Variants in LTBR observed in about 807,000 individuals in gnomAD.
LTBR encodes the protein tumor necrosis factor receptor superfamily member 3.
A neutral mutation model predicts 45.4 loss-of-function variants in LTBR; 15 were observed. That is an observed-to-expected ratio of 0.33 (90% CI 0.22 to 0.51). The LOEUF (loss-of-function observed/expected upper bound fraction) is 0.51, where lower values mean the gene tolerates loss of function less well. Ranked by LOEUF, LTBR falls within the 20% of genes least tolerant of loss-of-function variation. LTBR has a pLI of 0.97. For synonymous variants in LTBR, 228 were observed against 231.0 expected, an observed-to-expected ratio of 0.99 and a Z score of 0.12; for missense variants, 450 against 565.5, an observed-to-expected ratio of 0.80 and a Z score of 2.07.
chr12:6,390,081 C>G, intron 8 of LTBR, 31 bp from the exon 9 acceptor site: 2 of 1,478,240 alleles, frequency 1.4e-6, no homozygotes, highest in African/African-American at 1.4e-5. Context: ...GGGCCCTCAT[C>G]ATTGTTTGGG....
In LTBR at chr12:6,375,657, G is replaced by A. The variant is rs933629736; in HGVS notation, c.39+63G>A. 1.9e-4 allele frequency: 283 copies of A among 1,473,168 alleles called. 2 individuals carry two copies. In the Middle Eastern group the frequency reaches 1.9e-3, roughly 10 times the overall value. The allele number at this position is 1,473,168 out of a possible 1,614,324, so 91.3% of individuals were successfully genotyped here. A position where few individuals can be genotyped will look rare whatever the true frequency, so the allele number is the denominator to read the frequency against. The stretch of plus-strand genomic sequence containing the variant: ...AGCCGGGAGTTTTCCGAAGGAAGGA[G>A]GGCTCCCGAGGGCAGGTGAACTGGG... On this transcript the variant is annotated intron_variant, in intron 1 of 9. Coordinates refer to the LTBR transcript ENST00000539925.
chr12:6,388,706 T>G lies in LTBR; in HGVS notation c.776-94T>G, dbSNP rs1592101450. 6.6e-7 allele frequency: 1 copy of G among 1,511,052 alleles called. No homozygotes were observed. The highest frequency in any genetic ancestry group is 9.2e-7 in the Non-Finnish European group (1 of 1,090,444). The allele number at this position is 1,511,052 out of a possible 1,614,324, so 93.6% of individuals were successfully genotyped here. On this transcript the variant is annotated intron_variant, in intron 7 of 9. Coordinates refer to ENST00000228918, the MANE Select transcript of LTBR (RefSeq NM_002342.3). This position sits in a 1 kb window ranked among gnomAD's most constrained non-coding sequence, Gnocchi z 4.3. Reference sequence around the variant, plus strand: ...CTTGTTCCTCTGGGCCCCCGGGTGGTCAAGTTGCTACACATTGTGCTGGGA... The same window carrying G: ...CTTGTTCCTCTGGGCCCCCGGGTGGGCAAGTTGCTACACATTGTGCTGGGA...
chr12:6,389,820 AAAGTT>A (rs2136935201), intron 8 of LTBR: 1 of 280,032 alleles, frequency 3.6e-6, no homozygotes, highest in Admixed American at 4.7e-5. Context: ...AAAAAAAAAA[AAAGTT>A]AGCCAGACAG....
At chr12:6,381,312 G>A (rs1369647431), upstream of LTBR, among the ~76,000 whole-genome samples, 3 of 152,206 alleles carry the variant, frequency 2.0e-5, no homozygotes, top group Non-Finnish European at 4.4e-5. Flanking sequence ...GATTATGGAA[G>A]TGGGGAAGGA....
At position 6,385,237 on chromosome 12, in the gene LTBR, C is replaced by T. The variant is rs376062437; in HGVS notation, c.330C>T (p.Leu110=). The change falls in exon 4 of 10, where the codon CTC becomes CTT. Residue 110 remains leucine, a synonymous_variant. Transcript: ENST00000228918. ...LCRPCDPVMG[L]EEIAPCTSKR... is the part of the protein sequence containing the mutation. ...CCGTCTCCCCGCCAGTGATGGGCCT[C>T]GAGGAGATTGCCCCCTGCACAAGCA... The T allele has an allele frequency of 2.5e-6, 4 of 1,613,998 alleles. No homozygotes were observed. Among genetic ancestry groups the T allele is most frequent in the Non-Finnish European group, 3.4e-6 (4 of 1,180,044 alleles).
Position 6,385,044 on chromosome 12 carries a change from T to C in LTBR, c.216T>C (p.Cys72=), listed in dbSNP as rs1949022926. The C allele has an allele frequency of 6.2e-7, 1 of 1,614,084 alleles. No homozygotes were observed. The highest frequency in any genetic ancestry group is 8.5e-7 in the Non-Finnish European group (1 of 1,180,042). ...TAGGCACCTATGTCTCAGCTAAATG[T>C]AGCCGCATCCGGGACACAGTTTGTG... ...CPPGTYVSAK[C]SRIRDTVCAT... Residue 72 remains cysteine, a synonymous_variant, in exon 3 of 10, where the codon TGT becomes TGC. Transcript: ENST00000228918.
intron 1 of LTBR, chr12:6,375,900 A>C: frequency 8.4e-7 from 1 of 1,197,212 alleles, no homozygotes. Flanking sequence ...GAGGGAGACA[A>C]TAGAGAGGGA....
intron 1 of LTBR, chr12:6,377,332 C>T: frequency 7.1e-7 from 1 of 1,398,870 alleles, no homozygotes. Flanking sequence ...ACTGACCCTT[C>T]CCAAGGATAA....
chr12:6,379,011 T>C (rs921624374), intron 1 of LTBR, among the ~76,000 whole-genome samples: 13 of 152,184 alleles, frequency 8.5e-5, no homozygotes, highest in Non-Finnish European at 1.6e-4. Context: ...TGCCTCTTGT[T>C]CTCCGCGGAC....
Position 6,376,883 on chromosome 12 carries a change from C to CG in LTBR, c.39+1294dup, listed in dbSNP as rs3834495. 1.2e-4 allele frequency among the ~76,000 whole-genome samples: 18 copies of CG among 152,320 alleles called. No individual in the cohort carries two copies. In the East Asian group the frequency reaches 3.5e-3, roughly 29 times the overall value. On this transcript the variant is annotated intron_variant, in intron 1 of 9. Transcript: ENST00000539925. ...GCCCAGCCTGAGCATTGATACACAC[C>CG]GGGGGAGGAGATAGGCCTGCAATAC...
chr12:6,386,468 A>AC lies in LTBR; in HGVS notation c.667+25dup. The AC allele has an allele frequency of 1.7e-6, 2 of 1,162,752 alleles. No individual in the cohort carries two copies. The highest frequency in any genetic ancestry group is 2.4e-6 in the Non-Finnish European group (2 of 847,646). 72.0% of individuals were successfully genotyped at this position (1,162,752 alleles called of 1,614,324 possible). ...AGGTGAGGGACCAGGGCTGAGGGAC[A>AC]CGGGGGGGGCGCCTCTGAAAATGCC... On this transcript the variant is annotated intron_variant, in intron 6 of 9. Transcript: ENST00000228918. The surrounding 1 kb of genome is among the most constrained non-coding windows in gnomAD (Gnocchi z 4.1).
At position 6,388,818 on chromosome 12, in the gene LTBR, G is replaced by C. The variant is rs764079228; in HGVS notation, c.794G>C (p.Arg265Pro). ...ATTGCAGGATCGCTGCTCAAGAGGC[G>C]TCCGCAGGTAATGGCGGGGGCTGAG... ...CRKLGSLLKRRPQGEGPNPVA... is the reference protein window; with the variant it reads ...CRKLGSLLKRPPQGEGPNPVA... The change falls in exon 8 of 10, where the codon CGT becomes CCT. Residue 265 changes from arginine to proline, a missense_variant. Physicochemically the swap from Arg to Pro is moderately radical, Grantham distance 103. Transcript: ENST00000228918. The surrounding 1 kb of genome is among the most constrained non-coding windows in gnomAD (Gnocchi z 4.3). The C allele has an allele frequency of 3.1e-6, 5 of 1,613,950 alleles. No homozygotes were observed. The Admixed American group carries it at 8.3e-5, about 27-fold the overall frequency.
At chr12:6,383,377 C>T (rs1244670255), upstream of LTBR, among the ~76,000 whole-genome samples, 3 of 152,204 alleles carry the variant, frequency 2.0e-5, no homozygotes, top group East Asian at 1.9e-4. Flanking sequence ...CACCCTTAGC[C>T]TCCCTCTCCA....
rs768714935 is a variant in LTBR, at chr12:6,385,256, A to T, written c.349A>T (p.Thr117Ser). The change falls in exon 4 of 10, where the codon ACA becomes TCA. Residue 117 changes from threonine (T) to serine (S), a missense_variant. Thr to Ser is a moderately conservative substitution (Grantham distance 58). Transcript: ENST00000228918. ...VMGLEEIAPC[T>S]SKRKTQCRCQ... ...GGGCCTCGAGGAGATTGCCCCCTGCACAAGCAAACGGAAGACCCAGTGCCG... is the reference window on the plus strand; with the variant it reads ...GGGCCTCGAGGAGATTGCCCCCTGCTCAAGCAAACGGAAGACCCAGTGCCG... The T allele has an allele frequency of 4.3e-6, 7 of 1,613,888 alleles. No individual in the cohort carries two copies. The African/African-American group carries it at 9.3e-5, about 22-fold the overall frequency.
rs3203555 is a variant in LTBR, at chr12:6,391,036, C to G, written c.*99C>G. ...GATTCACAGGGGCCTGAGTAGGGCC[C>G]GGGGAAGCAGAGCCCTAAGGGATTA... On this transcript the variant is annotated 3_prime_UTR_variant, in exon 10 of 10. Transcript: ENST00000228918. 14 of 1,288,122 alleles carry G rather than the reference C, an allele frequency of 1.1e-5. No homozygotes were observed. Among genetic ancestry groups the G allele is most frequent in the Non-Finnish European group, 1.5e-5 (14 of 964,290 alleles). The allele number at this position is 1,288,122 out of a possible 1,614,324, so 79.8% of individuals were successfully genotyped here. A position where few individuals can be genotyped will look rare whatever the true frequency, so the allele number is the denominator to read the frequency against.
At chr12:6,376,289 A>G in intron 1 of LTBR, 1 of 610,716 alleles carries the variant, frequency 1.6e-6, no homozygotes, top group Non-Finnish European at 2.1e-6. Context: ...GGAGGGGCCC[A>G]GGTGAAGCTG....
rs1047232956 is a variant in LTBR at position 6,384,393 on chromosome 12, T to A, written c.35T>A (p.Leu12Gln). 1.6e-5 allele frequency: 24 copies of A among 1,538,832 alleles called. No individual in the cohort carries two copies. In the Admixed American group the frequency reaches 4.7e-4, roughly 30 times the overall value. Residue 12 changes from leucine (L) to glutamine (Q), a missense_variant, in exon 1 of 10, where the codon CTG becomes CAG. This residue lies in a region of LTBR where 367 missense variants were observed against 435.4 expected (regional missense o/e 0.84). Coordinates refer to ENST00000228918, the MANE Select transcript of LTBR (RefSeq NM_002342.3). ...CCTTGGGCCACCTCTGCCCCCGGCC[T>A]GGCCTGGGGGCCTCTGGTGCTGGGC... ...LLPWATSAPG[L>Q]AWGPLVLGLF...
rs41480749 is a variant in LTBR, at chr12:6,385,074, A to C, written c.246A>C (p.Thr82=). The stretch of plus-strand genomic sequence containing the variant: ...GCATCCGGGACACAGTTTGTGCCAC[A>C]TGTGCCGAGAATTCCTACAACGAGC... ...CSRIRDTVCA[T]CAENSYNEHW... is the part of the protein sequence containing the mutation. The change falls in exon 3 of 10, where the codon ACA becomes ACC. Residue 82 remains threonine, a synonymous_variant. Transcript: ENST00000228918. 1.2e-6 allele frequency: 2 copies of C among 1,614,230 alleles called. No individual in the cohort carries two copies. Among genetic ancestry groups the C allele is most frequent in the Admixed American group, 3.3e-5 (2 of 60,026 alleles).
chr12:6,377,305 A>G (rs1324547978), intron 1 of LTBR: 2 of 1,539,698 alleles, frequency 1.3e-6, no homozygotes, highest in African/African-American at 1.4e-5. Context: ...ATTTTTCTTC[A>G]TTGTCCTAAT....
Sources: allele counts gnomAD v4.1 joint callset (sites outside exome capture counted in the v4.1 genomes callset), GRCh38; gene constraint gnomAD v4.1.1; regional missense constraint gnomAD v4.1.1; non-coding constraint Gnocchi (gnomAD v3.1); transcripts MANE v1.5; gene names NCBI Gene and HGNC (gene_info 2026-07-23, HGNC 2026-07-21).